The following XRN2 variants were observed in gnomAD, a reference collection of about 807,000 sequenced individuals.
XRN2 encodes the protein DHM1-like protein.
Under a neutral mutation model 138.5 loss-of-function variants are expected in XRN2, and 44 were observed. The observed-to-expected ratio is 0.32, with a 90% CI of 0.25 to 0.41. XRN2 has a LOEUF of 0.41. Among genes scored for constraint, XRN2 ranks in the 10% least tolerant of loss-of-function variants. XRN2 has a pLI of 1.00. For missense variants in XRN2, 937 were observed against 1,169.3 expected (o/e 0.80, Z 2.90); for synonymous variants, 354 against 369.4 (o/e 0.96, Z 0.48).
intron 1 of XRN2, among the ~76,000 whole-genome samples, chr20:21,312,408 T>C (rs1449564582): frequency 1.3e-5 from 2 of 151,932 alleles, no homozygotes; most frequent in African/African-American, 4.8e-5. Context: ...GTTGTGTTTT[T>C]ATGATTTCAT....
intron 26 of XRN2, among the ~76,000 whole-genome samples, chr20:21,366,404 T>C (rs941271226): frequency 2.0e-5 from 3 of 150,210 alleles, no homozygotes; most frequent in African/African-American, 7.3e-5. Context: ...CAAAAAGTTA[T>C]CTGGGCATGG....
chr20:21,375,828 T>TA (rs2038814615), intron 27 of XRN2, among the ~76,000 whole-genome samples: 1 of 70,830 alleles, frequency 1.4e-5, no homozygotes, highest in African/African-American at 3.8e-5. Flanking sequence ...ATTTATTTAT[T>TA]TTTTATTTAT....
intron 9 of XRN2, among the ~76,000 whole-genome samples, chr20:21,332,983 A>C (rs2038233854): frequency 1.3e-5 from 2 of 152,190 alleles, no homozygotes. Flanking sequence ...CTTCTGTTTC[A>C]ATAATATGGT....
chr20:21,331,444 T>C, intron 6 of XRN2, 117 bp from the exon 7 acceptor site: 2 of 750,612 alleles, frequency 2.7e-6, no homozygotes, highest in East Asian at 5.8e-5. Context: ...CACACCCTTA[T>C]TCAGAAAATT....
intron 28 of XRN2, among the ~76,000 whole-genome samples, chr20:21,384,874 T>G (rs2038921718): frequency 6.6e-6 from 1 of 152,226 alleles, no homozygotes; most frequent in Non-Finnish European, 1.5e-5. Context: ...CTAGGCAAAT[T>G]TTTAGTTTTG....
In XRN2 at chr20:21,361,929, T is replaced by G. The variant is rs921134561; in HGVS notation, c.2256-3492T>G. Among the ~76,000 whole-genome samples the G allele has an allele frequency of 2.6e-5, 4 of 152,372 alleles. No individual in the cohort carries two copies. The East Asian group carries it at 7.7e-4, about 29-fold the overall frequency. On this transcript the variant is annotated intron_variant, in intron 24 of 29. Coordinates refer to ENST00000377191, the MANE Select transcript of XRN2 (RefSeq NM_012255.5). ...TTCAACCCTTGGAAGCTTAATCCATTTTAGGAGAGAGTGTGTCTTCAAATT... is the reference window on the plus strand; with the variant it reads ...TTCAACCCTTGGAAGCTTAATCCATGTTAGGAGAGAGTGTGTCTTCAAATT...
chr20:21,332,245 A>G, intron 8 of XRN2, 38 bp from the exon 9 acceptor site: 4 of 1,594,210 alleles, frequency 2.5e-6, no homozygotes, highest in East Asian at 2.2e-5. Flanking sequence ...CTCTCAGAAT[A>G]CTCACTGTTC....
chr20:21,343,226 G>A (rs1489345581), intron 15 of XRN2, among the ~76,000 whole-genome samples: 1 of 152,044 alleles, frequency 6.6e-6, no homozygotes, highest in Non-Finnish European at 1.5e-5. Flanking sequence ...TATGTTTTTG[G>A]TGATGTGGTC....
chr20:21,388,407 G>A (rs1036746701), intron 29 of XRN2, among the ~76,000 whole-genome samples: 2 of 152,150 alleles, frequency 1.3e-5, no homozygotes, highest in African/African-American at 4.8e-5. Context: ...TTCTTTCTCA[G>A]TCCCTTTGCC....
intron 21 of XRN2, 74 bp downstream of exon 21, chr20:21,354,946 T>A (rs1025585292): frequency 5.0e-5 from 60 of 1,193,154 alleles, no homozygotes; most frequent in Non-Finnish European, 6.6e-5. Flanking sequence ...AATTAGACCT[T>A]CCTTCTCCTG....
intron 28 of XRN2, among the ~76,000 whole-genome samples, chr20:21,383,256 A>G (rs2038904558): frequency 6.6e-6 from 1 of 152,182 alleles, no homozygotes. Flanking sequence ...CATTTTCCTC[A>G]GTACCACAAA....
intron 20 of XRN2, among the ~76,000 whole-genome samples, chr20:21,350,848 G>T (rs2038500912): frequency 6.6e-6 from 1 of 152,042 alleles, no homozygotes; most frequent in Admixed American, 6.6e-5. Context: ...CGCTTCAGTG[G>T]AATGATCATG....
At position 21,368,601 on chromosome 20, in the gene XRN2, A is replaced by G; in HGVS notation, c.2584+11A>G. The G allele has an allele frequency of 1.9e-6, 3 of 1,610,180 alleles. No homozygotes were observed. The highest frequency in any genetic ancestry group is 1.3e-5 in the African/African-American group (1 of 74,866). On this transcript the variant is annotated intron_variant, in intron 27 of 29. Coordinates refer to ENST00000377191, the MANE Select transcript of XRN2 (RefSeq NM_012255.5). ...CAAAACTTATGTCAAGTAAGCTTTT[A>G]CAAATCGGTTATTTTACATTATAAA...
chr20:21,346,641 A>G, intron 17 of XRN2, 91 bp downstream of exon 17: 1 of 1,504,794 alleles, frequency 6.6e-7, no homozygotes, highest in Non-Finnish European at 9.0e-7. Context: ...TGTTTTTGAG[A>G]CGGAGTCTTG....
intron 1 of XRN2, among the ~76,000 whole-genome samples, chr20:21,310,827 C>A (rs1002694182): frequency 1.3e-5 from 2 of 151,956 alleles, no homozygotes; most frequent in African/African-American, 4.8e-5. Flanking sequence ...TCACTGCAAG[C>A]TCCGCCACCC....
chr20:21,355,722 T>C (rs1293619641), intron 21 of XRN2, among the ~76,000 whole-genome samples: 3 of 152,146 alleles, frequency 2.0e-5, no homozygotes, highest in Non-Finnish European at 2.9e-5. Context: ...TAAATTGATA[T>C]GTAATAGTTA....
chr20:21,373,001 G>A (rs1181625426), intron 27 of XRN2, among the ~76,000 whole-genome samples: 2 of 110,098 alleles, frequency 1.8e-5, no homozygotes, highest in African/African-American at 6.0e-5. Flanking sequence ...TAGTTCATCC[G>A]TTTTCTTTTT....
At chr20:21,361,104 C>G (rs908602308) in intron 24 of XRN2, among the ~76,000 whole-genome samples, 1 of 152,162 alleles carries the variant, frequency 6.6e-6, no homozygotes, top group Non-Finnish European at 1.5e-5. Context: ...AAGGATAATT[C>G]TTAAAGCGAA....
intron 1 of XRN2, chr20:21,303,776 G>C: frequency 8.6e-7 from 1 of 1,159,274 alleles, no homozygotes; most frequent in Non-Finnish European, 1.1e-6. Flanking sequence ...CCACTGCTTT[G>C]TTTCCTCTCC....
Sources: gnomAD v4.1 joint callset for allele counts (sites outside exome capture counted in the v4.1 genomes callset) on GRCh38, gnomAD v4.1.1 for gene constraint, MANE v1.5 for transcripts, NCBI Gene and HGNC (gene_info 2026-07-23, HGNC 2026-07-21) for gene names.